Variants in ECD observed in about 807,000 individuals in gnomAD.
ECD encodes the protein ecdysoneless cell cycle regulator, also known as protein ecdysoneless homolog.
A neutral mutation model predicts 77.2 loss-of-function variants in ECD; 59 were observed. That is an observed-to-expected ratio of 0.76 (90% CI 0.62 to 0.95). The LOEUF (loss-of-function observed/expected upper bound fraction) is 0.95, where lower values mean the gene tolerates loss of function less well. Among genes scored for constraint, ECD ranks in the 40% least tolerant of loss-of-function variants. The probability of loss-of-function intolerance (pLI) is 0.00; values close to 1 mark genes in which losing one functional copy is unlikely to be tolerated. For missense variants in ECD, 704 were observed against 763.4 expected (o/e 0.92, Z 0.92); for synonymous variants, 233 against 267.4 (o/e 0.87, Z 1.26).
intron 7 of ECD, among the ~76,000 whole-genome samples, chr10:73,150,555 A>G (rs528427079): frequency 1.3e-5 from 2 of 152,370 alleles, no homozygotes; most frequent in East Asian, 1.9e-4. Context: ...GCTTCTGCAC[A>G]GCAAAAGAAA....
At chr10:73,150,340 G>C (rs544460608) in intron 7 of ECD, among the ~76,000 whole-genome samples, 2 of 152,290 alleles carry the variant, frequency 1.3e-5, no homozygotes, top group African/African-American at 4.8e-5. Flanking sequence ...GCTGAAACTG[G>C]ATCCCTTCCT....
rs1343256675 is a variant in ECD, at chr10:73,138,062, G to A, written c.1430C>T (p.Ser477Phe). ...TGCATCAAAAGTGATTGGAGCCTCA[G>A]AAGGTTCTCTGCAATATTAAAGGAC... ...HKGAELPREP[S>F]EAPITFDADS... Residue 477 changes from serine to phenylalanine, a missense_variant, in exon 12 of 14, where the codon TCT becomes TTT. Coordinates refer to ENST00000372979, the MANE Select transcript of ECD (RefSeq NM_007265.3). The A allele has an allele frequency of 5.0e-6, 8 of 1,594,704 alleles. No homozygotes were observed. The highest frequency in any genetic ancestry group is 3.5e-5 in the South Asian group (3 of 86,716).
At chr10:73,145,258 G>A (rs1843108272) in intron 9 of ECD, among the ~76,000 whole-genome samples, 1 of 151,968 alleles carries the variant, frequency 6.6e-6, no homozygotes, top group African/African-American at 2.4e-5. Flanking sequence ...TAGCTACTTG[G>A]GAGGCTGAGG....
At chr10:73,164,698 T>C (rs1843428986) in intron 1 of ECD, among the ~76,000 whole-genome samples, 1 of 152,176 alleles carries the variant, frequency 6.6e-6, no homozygotes, top group African/African-American at 2.4e-5. Context: ...CTAGAACTTC[T>C]GAGCTCAAGC....
In ECD at chr10:73,136,971, TTATTATTATTATTA is replaced by T; in HGVS notation, c.1490-67_1490-54del. Reference sequence around the variant, plus strand: ...CACTTAGTAATTATTATTATTATTATTATTATTATTATTATTTAGTTACTACACATCTCAAAATA... The same window carrying T: ...CACTTAGTAATTATTATTATTATTATTTTAGTTACTACACATCTCAAAATA... On this transcript the variant is annotated intron_variant, in intron 12 of 13. Transcript: ENST00000372979. 14 of 939,614 alleles carry T rather than the reference TTATTATTATTATTA, an allele frequency of 1.5e-5. 1 individual carries two copies. In the Admixed American group the frequency reaches 4.0e-4, roughly 27 times the overall value. 58.2% of individuals were successfully genotyped at this position (939,614 alleles called of 1,614,324 possible).
chr10:73,138,608 C>T (rs767542149), intron 11 of ECD, among the ~76,000 whole-genome samples: 1 of 152,010 alleles, frequency 6.6e-6, no homozygotes, highest in Non-Finnish European at 1.5e-5. Flanking sequence ...GCTCTGTCAC[C>T]CAGGCTGCGG....
At chr10:73,154,105 T>A in intron 6 of ECD, 151 bp downstream of exon 6, 1 of 769,438 alleles carries the variant, frequency 1.3e-6, no homozygotes, top group Non-Finnish European at 2.0e-6. Context: ...TAACATGCTA[T>A]GAAGAAACAG....
intron 3 of ECD, among the ~76,000 whole-genome samples, chr10:73,158,418 A>C (rs1843329303): frequency 6.6e-6 from 1 of 151,876 alleles, no homozygotes; most frequent in Non-Finnish European, 1.5e-5. Flanking sequence ...ATACATAATA[A>C]ATATATAAAA....
At chr10:73,158,488 C>T (rs1260188291) in intron 3 of ECD, among the ~76,000 whole-genome samples, 1 of 152,042 alleles carries the variant, frequency 6.6e-6, no homozygotes, top group Non-Finnish European at 1.5e-5. Context: ...GTAATCCCAG[C>T]ACTTTGGGAG....
intron 6 of ECD, 131 bp downstream of exon 6, chr10:73,154,124 CT>C (rs756254985): frequency 1.7e-5 from 16 of 946,792 alleles, no homozygotes; most frequent in Non-Finnish European, 2.2e-5. Flanking sequence ...AGAATATTTC[CT>C]TTTTTTTCTA....
At chr10:73,149,639 G>C (rs1843176864) in intron 7 of ECD, among the ~76,000 whole-genome samples, 1 of 152,178 alleles carries the variant, frequency 6.6e-6, no homozygotes, top group Admixed American at 6.6e-5. Flanking sequence ...ATTTAAGGTA[G>C]GCTAGGCTAA....
At position 73,133,993 on chromosome 10, in the gene ECD, T is replaced by G. The variant is rs1311990893; in HGVS notation, c.*590A>C. The G allele has an allele frequency of 6.6e-6, 1 of 152,434 alleles. No homozygotes were observed. The highest frequency in any genetic ancestry group is 1.5e-5 in the Non-Finnish European group (1 of 68,282). 9.4% of individuals were successfully genotyped at this position (152,434 alleles called of 1,614,324 possible). On this transcript the variant is annotated 3_prime_UTR_variant, in exon 14 of 14. Transcript: ENST00000372979. ...TGGTAGGGATGGTTGCACAATTTTG[T>G]AAATATACTAAAAACCACTGAATTG...
At chr10:73,147,126 T>A (rs1843140738) in intron 8 of ECD, among the ~76,000 whole-genome samples, 1 of 150,404 alleles carries the variant, frequency 6.6e-6, no homozygotes, top group Admixed American at 6.6e-5. Context: ...ACATGCCTAG[T>A]CTCAGCTATT....
In ECD at chr10:73,134,407, A is replaced by G. The variant is rs1311719717; in HGVS notation, c.*176T>C. On this transcript the variant is annotated 3_prime_UTR_variant, in exon 14 of 14. Coordinates refer to ENST00000372979, the MANE Select transcript of ECD (RefSeq NM_007265.3). ...AGTTCAAAACCTGTGTATAACCCAC[A>G]GCTGAGATCACAAAGACTTGTGCCA... 1.6e-6 allele frequency: 1 copy of G among 632,320 alleles called. No homozygotes were observed. The highest frequency in any genetic ancestry group is 1.8e-5 in the African/African-American group (1 of 54,378). The allele number at this position is 632,320 out of a possible 1,614,324, so 39.2% of individuals were successfully genotyped here. A position where few individuals can be genotyped will look rare whatever the true frequency, so the allele number is the denominator to read the frequency against.
chr10:73,156,354 A>G lies in ECD; in HGVS notation c.511T>C (p.Leu171=), dbSNP rs1011077652. The stretch of plus-strand genomic sequence containing the variant: ...TCTGAATGTGCTGTGATTATATTCA[A>G]TGCTTGTGGAATTGTTGGGGGTGTG... ...PTTPPTIPQA[L]NIITAHSEKI... Residue 171 remains leucine, a synonymous_variant, in exon 5 of 14, where the codon TTG becomes CTG. Coordinates refer to ENST00000372979, the MANE Select transcript of ECD (RefSeq NM_007265.3). 8.7e-6 allele frequency: 14 copies of G among 1,613,928 alleles called. No individual in the cohort carries two copies. Among genetic ancestry groups the G allele is most frequent in the Non-Finnish European group, 1.2e-5 (14 of 1,179,942 alleles).
rs1842949339 is a variant in ECD at position 73,133,892 on chromosome 10, G to A, written c.*691C>T. 1 of 152,124 alleles carries A rather than the reference G, an allele frequency of 6.6e-6. No individual in the cohort carries two copies. Among genetic ancestry groups the A allele is most frequent in the Non-Finnish European group, 1.5e-5 (1 of 68,010 alleles). The allele number at this position is 152,124 out of a possible 1,614,324, so 9.4% of individuals were successfully genotyped here. A position where few individuals can be genotyped will look rare whatever the true frequency, so the allele number is the denominator to read the frequency against. ...CCATAGAGACAGAAAGTAGACTAGT[G>A]GTTTCTAGGGGCTGGGAGTAGAAGG... On this transcript the variant is annotated 3_prime_UTR_variant, in exon 14 of 14. Coordinates refer to ENST00000372979, the MANE Select transcript of ECD (RefSeq NM_007265.3).
In ECD at chr10:73,160,525, C is replaced by G. The variant is rs150022527; in HGVS notation, c.232G>C (p.Val78Leu). The change falls in exon 3 of 14, where the codon GTG (valine) becomes CTG (leucine). Residue 78 changes from valine to leucine, a missense_variant. Val to Leu is a conservative substitution (Grantham distance 32). Coordinates refer to ENST00000372979, the MANE Select transcript of ECD (RefSeq NM_007265.3). ...KGGVPAHMFG[V>L]TKFGDNIEDE... is the part of the protein sequence containing the mutation. ...TCAATGTTATCCCCAAACTTTGTCACGCCAAACATATGAGCAGGAACACCT... is the reference window on the plus strand; with the variant it reads ...TCAATGTTATCCCCAAACTTTGTCAGGCCAAACATATGAGCAGGAACACCT... 6.2e-6 allele frequency: 10 copies of G among 1,610,850 alleles called. 1 individual carries two copies. Among genetic ancestry groups the G allele is most frequent in the Non-Finnish European group, 4.2e-6 (5 of 1,178,820 alleles).
At chr10:73,136,332 T>C (rs975844169) in intron 13 of ECD, among the ~76,000 whole-genome samples, 6 of 152,228 alleles carry the variant, frequency 3.9e-5, no homozygotes, top group African/African-American at 1.4e-4. Flanking sequence ...GCCCAAGGCA[T>C]AGTCTCAAAA....
At position 73,160,456 on chromosome 10, in the gene ECD, C is replaced by A; in HGVS notation, c.301G>T (p.Glu101Ter). The A allele has an allele frequency of 6.3e-7, 1 of 1,599,848 alleles. No individual in the cohort carries two copies. The highest frequency in any genetic ancestry group is 1.3e-5 in the African/African-American group (1 of 74,272). Residue 101 changes from glutamate (E) to a stop codon, truncating the protein, a stop_gained, in exon 3 of 14, where the codon GAA (glutamate) becomes TAA (stop). Transcript: ENST00000372979. LOFTEE classifies it high-confidence loss of function. ...IVYVIKQITK[E>*]FPELVARIED... ...TACCTTGCTACTAACTCTGGAAATT[C>A]CTTTGTGATCTGCTTTATTACATAA...
Sources: allele counts gnomAD v4.1 joint callset (sites outside exome capture counted in the v4.1 genomes callset), GRCh38; gene constraint gnomAD v4.1.1; transcripts MANE v1.5; gene names NCBI Gene and HGNC (gene_info 2026-07-23, HGNC 2026-07-21).